Variants in HTR7 observed in about 807,000 individuals in gnomAD.
HTR7 encodes the protein 5-hydroxytryptamine receptor 7.
HTR7 carries 16 observed loss-of-function variants against 34.0 expected under a neutral mutation model. The observed-to-expected ratio is 0.47, with a 90% CI of 0.32 to 0.71. The LOEUF is 0.71. Ranked by LOEUF, HTR7 falls within the 30% of genes least tolerant of loss-of-function variation. HTR7 has a pLI of 0.04. For missense variants in HTR7, 504 were observed against 625.5 expected (o/e 0.81, Z 2.07); for synonymous variants, 265 against 260.2 (o/e 1.02, Z -0.18).
chr10:90,828,717 G>A (rs1846117117), intron 1 of HTR7, among the ~76,000 whole-genome samples: 2 of 151,910 alleles, frequency 1.3e-5, no homozygotes, highest in Non-Finnish European at 2.9e-5. Context: ...TCCCAGCAAA[G>A]AAAAGCCCAG....
chr10:90,780,931 C>T (rs1380370571), intron 1 of HTR7, among the ~76,000 whole-genome samples: 1 of 152,184 alleles, frequency 6.6e-6, no homozygotes, highest in Non-Finnish European at 1.5e-5. Flanking sequence ...AAGAAGAAAA[C>T]ATATACAAAA....
rs35382478 is a variant in HTR7 at position 90,765,524 on chromosome 10, A to ATT, written c.540-15932_540-15931dup. On this transcript the variant is annotated intron_variant, in intron 1 of 3. Coordinates refer to ENST00000336152, the MANE Select transcript of HTR7 (RefSeq NM_019859.4). Reference sequence around the variant, plus strand: ...TACTACTGTTCATCTAGTCTATTTCATTTTTTTTTTTGCTCTGATCTTTAT... The same window carrying ATT: ...TACTACTGTTCATCTAGTCTATTTCATTTTTTTTTTTTTGCTCTGATCTTTAT... Among the ~76,000 whole-genome samples, 1,119 of 143,754 alleles carry ATT rather than the reference A, an allele frequency of 7.8e-3. 7 individuals are homozygous for ATT. Among genetic ancestry groups the ATT allele is most frequent in the African/African-American group, 9.3e-3 (371 of 39,732 alleles). 94.3% of individuals were successfully genotyped at this position (143,754 alleles called of 152,430 possible). A position where few individuals can be genotyped will look rare whatever the true frequency, so the allele number is the denominator to read the frequency against.
At chr10:90,786,684 T>G (rs1387707145) in intron 1 of HTR7, among the ~76,000 whole-genome samples, 2 of 152,086 alleles carry the variant, frequency 1.3e-5, no homozygotes, top group African/African-American at 4.8e-5. Flanking sequence ...AAATGCAAAT[T>G]GCAGTTCTAC....
intron 1 of HTR7, among the ~76,000 whole-genome samples, chr10:90,756,812 TA>T: frequency 6.6e-6 from 1 of 151,976 alleles, no homozygotes; most frequent in Admixed American, 6.6e-5. Context: ...TTTAGTGGCT[TA>T]AAACACCACC....
intron 1 of HTR7, among the ~76,000 whole-genome samples, chr10:90,852,962 C>T (rs1445608131): frequency 2.0e-5 from 3 of 152,054 alleles, no homozygotes; most frequent in Non-Finnish European, 2.9e-5. Context: ...TAGAATTGTG[C>T]ACATACATAT....
chr10:90,812,840 C>T (rs1212407233), intron 1 of HTR7, among the ~76,000 whole-genome samples: 2 of 152,182 alleles, frequency 1.3e-5, no homozygotes, highest in Non-Finnish European at 2.9e-5. Flanking sequence ...GCCAAGCCAT[C>T]GCATCCCCTG....
chr10:90,798,006 T>A (rs1243153858), intron 1 of HTR7, among the ~76,000 whole-genome samples: 2 of 152,184 alleles, frequency 1.3e-5, no homozygotes, highest in Non-Finnish European at 2.9e-5. Flanking sequence ...CCACTCTTTC[T>A]ATAATGGTAT....
intron 3 of HTR7, among the ~76,000 whole-genome samples, chr10:90,743,050 C>T (rs764778309): frequency 3.9e-5 from 6 of 152,060 alleles, no homozygotes; most frequent in Non-Finnish European, 8.8e-5. Flanking sequence ...AAGTCCCTTT[C>T]TCCTGGTGTA....
chr10:90,833,642 T>A (rs948458492), intron 1 of HTR7, among the ~76,000 whole-genome samples: 7 of 152,226 alleles, frequency 4.6e-5, no homozygotes, highest in Admixed American at 1.3e-4. Context: ...GTTATCTTCC[T>A]TTTCCTTCAT....
At chr10:90,851,223 G>A (rs188153744) in intron 1 of HTR7, among the ~76,000 whole-genome samples, 14 of 152,288 alleles carry the variant, frequency 9.2e-5, no homozygotes, top group African/African-American at 2.9e-4. Context: ...AGAAATGATG[G>A]CAGTCAGAAG....
intron 1 of HTR7, among the ~76,000 whole-genome samples, chr10:90,807,311 C>T (rs1319179821): frequency 6.6e-6 from 1 of 152,160 alleles, no homozygotes; most frequent in Non-Finnish European, 1.5e-5. Context: ...GAGCCCAAGC[C>T]AAGCCATCGC....
intron 1 of HTR7, among the ~76,000 whole-genome samples, chr10:90,751,768 C>G (rs1449533140): frequency 1.3e-5 from 2 of 152,132 alleles, no homozygotes; most frequent in African/African-American, 4.8e-5. Context: ...CTAGTAAACT[C>G]CTATTTTGAG....
At chr10:90,830,746 C>A (rs984717856) in intron 1 of HTR7, among the ~76,000 whole-genome samples, 1 of 149,696 alleles carries the variant, frequency 6.7e-6, no homozygotes, top group Non-Finnish European at 1.5e-5. Context: ...CAAGATGGCA[C>A]CACTGCACTC....
At chr10:90,770,149 G>A (rs952284141) in intron 1 of HTR7, among the ~76,000 whole-genome samples, 4 of 152,222 alleles carry the variant, frequency 2.6e-5, no homozygotes, top group Non-Finnish European at 5.9e-5. Flanking sequence ...CCGCACCTGC[G>A]GGGAGGGCAC....
intron 1 of HTR7, among the ~76,000 whole-genome samples, chr10:90,839,761 C>T (rs111808414): frequency 1.7e-3 from 254 of 152,204 alleles, no homozygotes; most frequent in African/African-American, 5.7e-3. Context: ...TGTTGGAAAA[C>T]AGACCAGAGA....
chr10:90,765,405 T>C (rs1845005697), intron 1 of HTR7, among the ~76,000 whole-genome samples: 1 of 152,144 alleles, frequency 6.6e-6, no homozygotes, highest in South Asian at 2.1e-4. Flanking sequence ...CTTTCATTTC[T>C]GATTTATTTA....
chr10:90,836,019 C>A (rs1377947693), intron 1 of HTR7, among the ~76,000 whole-genome samples: 1 of 152,150 alleles, frequency 6.6e-6, no homozygotes, highest in Non-Finnish European at 1.5e-5. Flanking sequence ...CACCCAAACC[C>A]TCCCCATTCG....
At chr10:90,782,428 G>A (rs1479226607) in intron 1 of HTR7, among the ~76,000 whole-genome samples, 2 of 152,114 alleles carry the variant, frequency 1.3e-5, no homozygotes, top group African/African-American at 4.8e-5. Flanking sequence ...TACATAGTAT[G>A]CCCCTAATAA....
chr10:90,799,273 TC>T (rs1440417632), intron 1 of HTR7, among the ~76,000 whole-genome samples: 1 of 152,040 alleles, frequency 6.6e-6, no homozygotes, highest in Non-Finnish European at 1.5e-5. Context: ...AAAACTCTGA[TC>T]CCTGAATGCT....
Sources: gnomAD v4.1 joint callset for allele counts (sites outside exome capture counted in the v4.1 genomes callset) on GRCh38, gnomAD v4.1.1 for gene constraint, MANE v1.5 for transcripts, NCBI Gene and HGNC (gene_info 2026-07-23, HGNC 2026-07-21) for gene names.